Variants in CENPT observed in about 807,000 individuals in gnomAD.
The protein encoded by CENPT is centromere protein T.
Under a neutral mutation model 59.7 loss-of-function variants are expected in CENPT, and 42 were observed. The ratio of observed to expected loss-of-function variants is 0.70; its 90% CI spans 0.55 to 0.91. CENPT has a LOEUF of 0.91. Among genes scored for constraint, CENPT ranks in the 40% least tolerant of loss-of-function variants. The pLI is 0.00. For synonymous variants in CENPT, 295 were observed against 289.6 expected (o/e 1.02, Z -0.19); for missense variants, 716 against 713.4 (o/e 1.00, Z -0.04).
intron 13 of CENPT, 115 bp from the exon 14 acceptor site, chr16:67,828,958 G>C: frequency 8.7e-7 from 1 of 1,146,290 alleles, no homozygotes. Flanking sequence ...TGGCCAGCCA[G>C]GACCAGCAGC....
chr16:67,840,630 T>C (rs2057754793), intron 1 of CENPT, among the ~76,000 whole-genome samples: 2 of 152,144 alleles, frequency 1.3e-5, no homozygotes, highest in South Asian at 4.1e-4. Context: ...AGATAACTAT[T>C]GGGTACTGGG....
In CENPT at chr16:67,828,388, T is replaced by C; in HGVS notation, c.1565A>G (p.Gln522Arg). ...TGAGACTTGGTCAGTGACCAGGCCCTGCCTGCAGTGGAGGAAGAGAAGGGA... is the reference window on the plus strand; with the variant it reads ...TGAGACTTGGTCAGTGACCAGGCCCCGCCTGCAGTGGAGGAAGAGAAGGGA... ...PEDLELLMRR[Q>R]GLVTDQVSLH... The change falls in exon 16 of 16, where the codon CAG (glutamine) becomes CGG (arginine). Residue 522 changes from glutamine to arginine, a missense_variant and splice_region_variant. By Grantham distance (43) the Gln-to-Arg change is conservative. Transcript: ENST00000562787. 2 of 1,611,400 alleles carry C rather than the reference T, an allele frequency of 1.2e-6. No homozygotes were observed. The highest frequency in any genetic ancestry group is 1.1e-5 in the South Asian group (1 of 90,960).
In CENPT at chr16:67,842,920, A is replaced by AACAGCAGCAGCAG; in HGVS notation, c.-492+4480_-492+4481insCTGCTGCTGCTGT. 6.3e-7 allele frequency: 1 copy of AACAGCAGCAGCAG among 1,579,584 alleles called. No individual in the cohort carries two copies. Among genetic ancestry groups the AACAGCAGCAGCAG allele is most frequent in the African/African-American group, 1.4e-5 (1 of 72,028 alleles). ...AGCAGCAACAGCAGCAGCAGCAGCAACAGCAGCAGCAGCAGCAGCAGCAGC... is the reference window on the plus strand; with the variant it reads ...AGCAGCAACAGCAGCAGCAGCAGCAAACAGCAGCAGCAGCAGCAGCAGCAGCAGCAGCAGCAGC... On this transcript the variant is annotated intron_variant, in intron 1 of 15. Coordinates refer to ENST00000562787, the MANE Select transcript of CENPT (RefSeq NM_025082.4). This position sits in a 1 kb window ranked among gnomAD's most constrained non-coding sequence, Gnocchi z 4.9.
intron 1 of CENPT, chr16:67,841,446 G>C (rs2057760608): frequency 6.6e-6 from 1 of 152,090 alleles, no homozygotes; most frequent in Non-Finnish European, 1.5e-5. Flanking sequence ...TTACAGACTG[G>C]TTCCTGGGAC....
chr16:67,833,394 A>G (rs891764146), intron 4 of CENPT, among the ~76,000 whole-genome samples: 1 of 152,248 alleles, frequency 6.6e-6, no homozygotes, highest in African/African-American at 2.4e-5. Flanking sequence ...ACAGAGCAGA[A>G]GGTGAGATTC....
intron 1 of CENPT, among the ~76,000 whole-genome samples, chr16:67,837,867 G>A (rs142100807): frequency 6.6e-6 from 1 of 152,274 alleles, no homozygotes; most frequent in African/African-American, 2.4e-5. Flanking sequence ...ACTAATATGG[G>A]GTCTTGCAAG....
intron 1 of CENPT, chr16:67,841,612 C>G (rs1031531349): frequency 6.6e-6 from 1 of 152,130 alleles, no homozygotes; most frequent in Non-Finnish European, 1.5e-5. Context: ...GATCTATTAT[C>G]CAAAAGACAG....
intron 1 of CENPT, among the ~76,000 whole-genome samples, chr16:67,839,438 T>C (rs2057749654): frequency 6.7e-6 from 1 of 150,346 alleles, no homozygotes; most frequent in Admixed American, 6.6e-5. Context: ...TGCACACCTG[T>C]AATCCCAGTT....
At position 67,831,269 on chromosome 16, in the gene CENPT, A is replaced by T; in HGVS notation, c.650T>A (p.Val217Glu). Residue 217 changes from valine to glutamate, a missense_variant, in exon 10 of 16, where the codon GTA (valine) becomes GAA (glutamate). Physicochemically the swap from Val to Glu is moderately radical, Grantham distance 121. Transcript: ENST00000562787. ...LARRPPARRAVDVGAFLRDLR... is the reference protein window; with the variant it reads ...LARRPPARRAEDVGAFLRDLR... ...ATCCCGCAAAAAGGCACCCACGTCT[A>T]CAGCTCGGCGGGCTGGAGGTCTGCG... 1.2e-6 allele frequency: 2 copies of T among 1,614,194 alleles called. No individual in the cohort carries two copies. Among genetic ancestry groups the T allele is most frequent in the Non-Finnish European group, 1.7e-6 (2 of 1,180,022 alleles).
At position 67,830,507 on chromosome 16, in the gene CENPT, C is replaced by T; in HGVS notation, c.745G>A (p.Val249Ile). The part of the protein sequence containing the change: ...EDTQPFSQPM[V>I]GSPNVYHSLP... ...GAGTGATACACGTTGGGGGAGCCAA[C>T]CATGGGCTGAGAGAACGGCTGGGTG... The change falls in exon 11 of 16, where the codon GTT becomes ATT. Residue 249 changes from valine to isoleucine, a missense_variant. Physicochemically the swap from Val to Ile is conservative, Grantham distance 29. Coordinates refer to ENST00000562787, the MANE Select transcript of CENPT (RefSeq NM_025082.4). 6.2e-7 allele frequency: 1 copy of T among 1,614,118 alleles called. No individual in the cohort carries two copies.
At position 67,843,116 on chromosome 16, in the gene CENPT, A is replaced by G; in HGVS notation, c.-492+4285T>C. The G allele has an allele frequency of 6.2e-7, 1 of 1,610,628 alleles. No individual in the cohort carries two copies. The highest frequency in any genetic ancestry group is 8.5e-7 in the Non-Finnish European group (1 of 1,179,822). On this transcript the variant is annotated intron_variant, in intron 1 of 15. Transcript: ENST00000562787. This position sits in a 1 kb window ranked among gnomAD's most constrained non-coding sequence, Gnocchi z 5.7. ...TCCCACTGGAGAAGACGTGAAGCCC[A>G]TCGATCTCACAGTGCAAGTGGAGTT...
In CENPT at chr16:67,833,945, C is replaced by G. The variant is rs561623930; in HGVS notation, c.-86G>C. Reference sequence around the variant, plus strand: ...CACAGTTAATGTAACTCTCGCGATGCTCCCGCACAGCCCCACGGGAATTGT... The same window carrying G: ...CACAGTTAATGTAACTCTCGCGATGGTCCCGCACAGCCCCACGGGAATTGT... On this transcript the variant is annotated 5_prime_UTR_variant, in exon 4 of 16. Coordinates refer to ENST00000562787, the MANE Select transcript of CENPT (RefSeq NM_025082.4). 580 of 837,244 alleles carry G rather than the reference C, an allele frequency of 6.9e-4. No homozygotes were observed. Among genetic ancestry groups the G allele is most frequent in the East Asian group, 1.8e-3 (54 of 30,186 alleles). 51.9% of individuals were successfully genotyped at this position (837,244 alleles called of 1,614,324 possible). A position where few individuals can be genotyped will look rare whatever the true frequency, so the allele number is the denominator to read the frequency against.
chr16:67,831,122 CGA>C (rs1598141619), intron 10 of CENPT, 92 bp downstream of exon 10: 1 of 1,559,834 alleles, frequency 6.4e-7, no homozygotes, highest in Non-Finnish European at 8.8e-7. Flanking sequence ...TTGACCCCAC[CGA>C]GAGGGGTGCA....
intron 1 of CENPT, among the ~76,000 whole-genome samples, chr16:67,839,025 C>T (rs192202372): frequency 1.1e-4 from 17 of 151,964 alleles, no homozygotes; most frequent in Middle Eastern, 3.4e-3. Flanking sequence ...CCAAGGTGGC[C>T]GGATCACCTG....
Position 67,843,103 on chromosome 16 carries a change from A to C in CENPT, c.-492+4298T>G. On this transcript the variant is annotated intron_variant, in intron 1 of 15. Coordinates refer to ENST00000562787, the MANE Select transcript of CENPT (RefSeq NM_025082.4). This position sits in a 1 kb window ranked among gnomAD's most constrained non-coding sequence, Gnocchi z 5.7. ...CGGCGCCCATCACTCCCACTGGAGAAGACGTGAAGCCCATCGATCTCACAG... is the reference window on the plus strand; with the variant it reads ...CGGCGCCCATCACTCCCACTGGAGACGACGTGAAGCCCATCGATCTCACAG... The C allele has an allele frequency of 6.2e-7, 1 of 1,611,074 alleles. No homozygotes were observed. The highest frequency in any genetic ancestry group is 8.5e-7 in the Non-Finnish European group (1 of 1,179,952).
chr16:67,831,933 T>A (rs2057694349), intron 7 of CENPT, 43 bp from the exon 8 acceptor site: 1 of 1,596,038 alleles, frequency 6.3e-7, no homozygotes, highest in South Asian at 1.1e-5. Context: ...GGAAGTCCAA[T>A]TCTGGCTTTT....
chr16:67,828,569 T>A lies in CENPT; in HGVS notation c.1467A>T (p.Lys489Asn), dbSNP rs2057635094. 1.2e-6 allele frequency: 2 copies of A among 1,614,064 alleles called. No homozygotes were observed. The highest frequency in any genetic ancestry group is 1.7e-6 in the Non-Finnish European group (2 of 1,180,036). ...GATCATCACAAAGATGCTGGAAATA[T>A]TTATCTAGGCTGTCAAGAAGGTGGG... ...ALEMVEKCLD[K>N]YFQHLCDDLE... The change falls in exon 15 of 16, where the codon AAA (lysine) becomes AAT (asparagine). Residue 489 changes from lysine to asparagine, a missense_variant. Lys to Asn is a moderately conservative substitution (Grantham distance 94). Transcript: ENST00000562787.
intron 1 of CENPT, 142 bp from the exon 2 acceptor site, chr16:67,835,800 A>C: frequency 6.6e-6 from 1 of 151,626 alleles, no homozygotes; most frequent in Non-Finnish European, 1.5e-5. Context: ...TTTTGCAGAC[A>C]TATTTCCATG....
intron 1 of CENPT, among the ~76,000 whole-genome samples, chr16:67,839,120 C>T (rs1306323533): frequency 7.9e-5 from 12 of 151,670 alleles, no homozygotes; most frequent in African/African-American, 2.9e-4. Flanking sequence ...GGTGCGGTGG[C>T]TCACGCCTGT....
Sources: gnomAD v4.1 joint callset for allele counts (sites outside exome capture counted in the v4.1 genomes callset) on GRCh38, gnomAD v4.1.1 for gene constraint, Gnocchi (gnomAD v3.1) non-coding constraint, MANE v1.5 for transcripts, NCBI Gene and HGNC (gene_info 2026-07-23, HGNC 2026-07-21) for gene names.